MARCHF1: variants seen among roughly 807,000 people sequenced by gnomAD.
The protein encoded by MARCHF1 is membrane associated ring-CH-type finger 1.
MARCHF1 carries 40 observed loss-of-function variants against 54.2 expected under a neutral mutation model. The observed-to-expected ratio is 0.74, with a 90% CI of 0.57 to 0.96. The LOEUF is 0.96. MARCHF1 is among the 40% of genes least tolerant of loss of function. The pLI, the probability that MARCHF1 is intolerant of heterozygous loss-of-function variation, is 0.00. For missense variants in MARCHF1, 586 were observed against 656.5 expected, an observed-to-expected ratio of 0.89 and a Z score of 1.17; for synonymous variants, 236 against 236.3, an observed-to-expected ratio of 1.00 and a Z score of 0.01.
chr4:164,177,349 A>G (rs4443237), intron 1 of MARCHF1, among the ~76,000 whole-genome samples: 86,073 of 151,792 alleles, frequency 0.57, 27,554 homozygotes, highest in Non-Finnish European at 0.75. Context: ...GTAATTTACC[A>G]AAATCACACA....
At chr4:164,052,905 C>A (rs1754403976) in intron 2 of MARCHF1, among the ~76,000 whole-genome samples, 1 of 152,068 alleles carries the variant, frequency 6.6e-6, no homozygotes, top group Non-Finnish European at 1.5e-5. Context: ...AAGAGTTCAA[C>A]TCATCATAGA....
At chr4:164,288,464 T>C (rs1358812293) in intron 1 of MARCHF1, among the ~76,000 whole-genome samples, 1 of 152,058 alleles carries the variant, frequency 6.6e-6, no homozygotes, top group Admixed American at 6.6e-5. Flanking sequence ...TCTGTTATTG[T>C]GTTGTATTCA....
At position 163,594,875 on chromosome 4, in the gene MARCHF1, A is replaced by G. The variant is rs969023694; in HGVS notation, c.1011-8946T>C. Among the ~76,000 whole-genome samples, 13 of 152,204 alleles carry G rather than the reference A, an allele frequency of 8.5e-5. 1 individual carries two copies. Among genetic ancestry groups the G allele is most frequent in the Admixed American group, 8.5e-4 (13 of 15,266 alleles). The stretch of plus-strand genomic sequence containing the variant: ...TAGGAATAAAAACGGTGCAGCTGCT[A>G]TGGAAAACAGTGTGGAGGTTTTTCA... On this transcript the variant is annotated intron_variant, in intron 7 of 9. Transcript: ENST00000514618.
chr4:163,719,404 C>T (rs1229437307), intron 4 of MARCHF1, among the ~76,000 whole-genome samples: 1 of 152,138 alleles, frequency 6.6e-6, no homozygotes, highest in Admixed American at 6.6e-5. Flanking sequence ...TGTATATGTG[C>T]CACATTTTCT....
chr4:163,841,237 AAAACT>A (rs1749328065), intron 4 of MARCHF1, among the ~76,000 whole-genome samples: 1 of 152,088 alleles, frequency 6.6e-6, no homozygotes, highest in South Asian at 2.1e-4. Context: ...CAGAATGTAC[AAAACT>A]AAGAGTGAAC....
intron 1 of MARCHF1, among the ~76,000 whole-genome samples, chr4:164,243,801 T>A (rs2111220381): frequency 1.3e-5 from 2 of 152,180 alleles, no homozygotes; most frequent in East Asian, 3.9e-4. Context: ...AGGCAGGGGT[T>A]GCAATCCTAG....
chr4:163,945,146 A>C (rs1751998621), intron 3 of MARCHF1, among the ~76,000 whole-genome samples: 1 of 152,190 alleles, frequency 6.6e-6, no homozygotes, highest in Non-Finnish European at 1.5e-5. Flanking sequence ...ATTTCAAGAA[A>C]ATAATGTCAC....
intron 4 of MARCHF1, among the ~76,000 whole-genome samples, chr4:163,711,472 C>T (rs1023768256): frequency 2.6e-5 from 4 of 152,148 alleles, no homozygotes; most frequent in African/African-American, 7.2e-5. Flanking sequence ...GAGGCACACC[C>T]GGTTGGATCT....
At chr4:164,035,636 A>C (rs1038305847) in intron 2 of MARCHF1, among the ~76,000 whole-genome samples, 1 of 61,878 alleles carries the variant, frequency 1.6e-5, no homozygotes, top group African/African-American at 1.4e-4. Context: ...AAGAATACAA[A>C]AAAAAAAAAA....
rs914185405 is a variant in MARCHF1, at chr4:163,873,066, C to CA, written c.-38-18898dup. Reference sequence around the variant, plus strand: ...CTCAAAAAAAAAACAAACAAACAAACAAAAAAAAACAAACAAACAAACAAA... The same window carrying CA: ...CTCAAAAAAAAAACAAACAAACAAACAAAAAAAAAACAAACAAACAAACAAA... On this transcript the variant is annotated intron_variant, in intron 3 of 9. Transcript: ENST00000514618. 6.3e-4 allele frequency among the ~76,000 whole-genome samples: 84 copies of CA among 132,702 alleles called. 1 individual carries two copies. The highest frequency in any genetic ancestry group is 1.4e-3 in the African/African-American group (49 of 36,230). 87.1% of individuals were successfully genotyped at this position (132,702 alleles called of 152,430 possible). A position where few individuals can be genotyped will look rare whatever the true frequency, so the allele number is the denominator to read the frequency against.
chr4:163,725,312 C>T (rs114262110), intron 4 of MARCHF1, among the ~76,000 whole-genome samples: 3,596 of 151,774 alleles, frequency 0.024, 60 homozygotes, highest in Non-Finnish European at 0.029. Context: ...CCCATCTCCA[C>T]AAAAAATACA....
intron 1 of MARCHF1, among the ~76,000 whole-genome samples, chr4:164,128,184 T>C (rs1051311284): frequency 6.6e-6 from 1 of 152,064 alleles, no homozygotes; most frequent in African/African-American, 2.4e-5. Flanking sequence ...ATCTAAAAAA[T>C]AAGAGAATGA....
chr4:163,845,322 C>T (rs1353573755), intron 4 of MARCHF1, among the ~76,000 whole-genome samples: 1 of 152,084 alleles, frequency 6.6e-6, no homozygotes, highest in Non-Finnish European at 1.5e-5. Flanking sequence ...ACCAAGCTGA[C>T]TCAACAAAGA....
At chr4:164,077,343 C>A (rs527437500) in intron 2 of MARCHF1, among the ~76,000 whole-genome samples, 1 of 152,274 alleles carries the variant, frequency 6.6e-6, no homozygotes, top group African/African-American at 2.4e-5. Context: ...AAAACTGAAA[C>A]TGGACCCCTT....
At chr4:163,998,624 A>T (rs1367719715) in intron 2 of MARCHF1, among the ~76,000 whole-genome samples, 1 of 151,726 alleles carries the variant, frequency 6.6e-6, no homozygotes, top group Non-Finnish European at 1.5e-5. Context: ...ATATCCTTTG[A>T]CCAACATCTC....
At chr4:163,692,266 G>A (rs1744485309) in intron 5 of MARCHF1, among the ~76,000 whole-genome samples, 1 of 152,144 alleles carries the variant, frequency 6.6e-6, no homozygotes, top group African/African-American at 2.4e-5. Flanking sequence ...AATAGTTATT[G>A]CCCTCATAGA....
intron 8 of MARCHF1, among the ~76,000 whole-genome samples, chr4:163,577,482 A>T (rs1239973241): frequency 2.0e-5 from 3 of 151,956 alleles, no homozygotes; most frequent in Admixed American, 6.6e-5. Context: ...TTTGTATGTA[A>T]TCTGACCTTT....
intron 2 of MARCHF1, among the ~76,000 whole-genome samples, chr4:163,995,204 G>A (rs1485690142): frequency 6.6e-6 from 1 of 152,064 alleles, no homozygotes; most frequent in Non-Finnish European, 1.5e-5. Context: ...GAGTTTGCTA[G>A]AGAGGCTCAC....
At chr4:164,361,011 C>T (rs1217138363) in intron 1 of MARCHF1, among the ~76,000 whole-genome samples, 1 of 151,674 alleles carries the variant, frequency 6.6e-6, no homozygotes, top group African/African-American at 2.4e-5. Flanking sequence ...GACCCTAGAG[C>T]ACCTGATGGT....
Sources: allele counts gnomAD v4.1 joint callset (sites outside exome capture counted in the v4.1 genomes callset), GRCh38; gene constraint gnomAD v4.1.1; transcripts MANE v1.5; gene names NCBI Gene and HGNC (gene_info 2026-07-23, HGNC 2026-07-21).